TMC1: variants seen among roughly 807,000 people sequenced by gnomAD.
The protein encoded by TMC1 is transmembrane channel-like protein 1.
Under a neutral mutation model 105.8 loss-of-function variants are expected in TMC1, and 84 were observed. That is an observed-to-expected ratio of 0.79 (90% CI 0.67 to 0.95). TMC1 has a LOEUF of 0.95. Ranked by LOEUF, TMC1 falls within the 40% of genes least tolerant of loss-of-function variation. The pLI is 0.00. For synonymous variants in TMC1, 315 were observed against 311.5 expected, an observed-to-expected ratio of 1.01 and a Z score of -0.12; for missense variants, 817 against 914.1, an observed-to-expected ratio of 0.89 and a Z score of 1.37.
chr9:72,761,121 CAG>C (rs753048684), intron 12 of TMC1, among the ~76,000 whole-genome samples: 3 of 152,034 alleles, frequency 2.0e-5, no homozygotes, highest in Non-Finnish European at 2.9e-5. Context: ...TAGTAAGAAA[CAG>C]AGAGATTATT....
chr9:72,745,921 G>C (rs963326748), intron 10 of TMC1, among the ~76,000 whole-genome samples: 24 of 152,182 alleles, frequency 1.6e-4, no homozygotes, highest in African/African-American at 5.8e-4. Context: ...ATCATTTCCA[G>C]CTCAACATTC....
chr9:72,694,674 G>A lies in TMC1; in HGVS notation c.196G>A (p.Ala66Thr), dbSNP rs551184500. The change falls in exon 7 of 24, where the codon GCA becomes ACA. Residue 66 changes from alanine to threonine, a missense_variant. Coordinates refer to ENST00000297784, the MANE Select transcript of TMC1 (RefSeq NM_138691.3). The stretch of plus-strand genomic sequence containing the variant: ...ACCAGAGGATGAAGAAACAAGGAAG[G>A]CAAGAGAAAAAGAGAGGAGGAGGAG... ...PEPEDEETRK[A>T]REKERRRRLK... The A allele has an allele frequency of 1.4e-5, 22 of 1,612,004 alleles. No individual in the cohort carries two copies. In the East Asian group the frequency reaches 2.5e-4, roughly 18 times the overall value.
At chr9:72,561,752 A>G (rs181508983) in intron 1 of TMC1, among the ~76,000 whole-genome samples, 43 of 152,306 alleles carry the variant, frequency 2.8e-4, no homozygotes, top group Admixed American at 2.6e-3. Flanking sequence ...TTCTATTTCT[A>G]TTCCACAATT....
intron 5 of TMC1, among the ~76,000 whole-genome samples, chr9:72,650,494 C>T (rs1039249284): frequency 3.4e-5 from 5 of 148,194 alleles, no homozygotes; most frequent in African/African-American, 7.4e-5. Context: ...CAGAACAAGC[C>T]TTTTTTTTTA....
chr9:72,622,150 C>T (rs1005258572), intron 3 of TMC1, among the ~76,000 whole-genome samples: 3 of 152,104 alleles, frequency 2.0e-5, no homozygotes, highest in African/African-American at 7.2e-5. Flanking sequence ...ACCTACAGGC[C>T]ATCTTTCCCT....
At chr9:72,529,979 A>G (rs764441733) in intron 1 of TMC1, among the ~76,000 whole-genome samples, 5 of 152,172 alleles carry the variant, frequency 3.3e-5, no homozygotes, top group Non-Finnish European at 7.3e-5. Flanking sequence ...AGTGAAGGTC[A>G]GAGAGGCCCA....
chr9:72,603,176 C>T (rs1824847769), intron 2 of TMC1, among the ~76,000 whole-genome samples: 1 of 152,122 alleles, frequency 6.6e-6, no homozygotes, highest in African/African-American at 2.4e-5. Flanking sequence ...GTGCTTTGGC[C>T]TCTGAGCATC....
At chr9:72,745,805 C>T (rs1430215976) in intron 10 of TMC1, among the ~76,000 whole-genome samples, 1 of 152,130 alleles carries the variant, frequency 6.6e-6, no homozygotes, top group Non-Finnish European at 1.5e-5. Context: ...TTGACCCCTA[C>T]CACCTCTGTA....
At chr9:72,609,060 CCCT>C (rs1424739568) in intron 2 of TMC1, among the ~76,000 whole-genome samples, 3 of 152,078 alleles carry the variant, frequency 2.0e-5, no homozygotes, top group Non-Finnish European at 2.9e-5. Context: ...TCCCTTACTC[CCCT>C]CCTCTTTTCT....
At position 72,523,778 on chromosome 9, in the gene TMC1, C is replaced by G. The variant is rs560137643; in HGVS notation, c.-428+1865C>G. ...TTCATATGAGTGGACCCATGCAGTTCAAACCTGACTTGTTCAGAGTCAACT... is the reference window on the plus strand; with the variant it reads ...TTCATATGAGTGGACCCATGCAGTTGAAACCTGACTTGTTCAGAGTCAACT... On this transcript the variant is annotated intron_variant, in intron 1 of 23. Coordinates refer to ENST00000297784, the MANE Select transcript of TMC1 (RefSeq NM_138691.3). 2.0e-5 allele frequency among the ~76,000 whole-genome samples: 3 copies of G among 151,964 alleles called. No individual in the cohort carries two copies. The South Asian group carries it at 6.2e-4, about 32-fold the overall frequency.
chr9:72,709,446 T>C (rs1826798166), intron 8 of TMC1, among the ~76,000 whole-genome samples: 1 of 152,082 alleles, frequency 6.6e-6, no homozygotes, highest in African/African-American at 2.4e-5. Flanking sequence ...GAATGTCTGA[T>C]AGAATTCAGC....
intron 1 of TMC1, among the ~76,000 whole-genome samples, chr9:72,549,833 C>T (rs13290008): frequency 0.12 from 18,760 of 151,682 alleles, 1,337 homozygotes; most frequent in Non-Finnish European, 0.17. Flanking sequence ...AGGTTGGTCT[C>T]GAACTCCTGA....
intron 8 of TMC1, among the ~76,000 whole-genome samples, chr9:72,732,206 T>C (rs1827222964): frequency 6.6e-6 from 1 of 152,232 alleles, no homozygotes; most frequent in East Asian, 1.9e-4. Flanking sequence ...AATGAGAGTA[T>C]ACAAATTGTT....
At chr9:72,832,991 T>C (rs1344617721) in intron 23 of TMC1, among the ~76,000 whole-genome samples, 1 of 152,180 alleles carries the variant, frequency 6.6e-6, no homozygotes, top group African/African-American at 2.4e-5. Flanking sequence ...GATATTTATC[T>C]CCAAATTACC....
In TMC1 at chr9:72,835,935, T is replaced by TTTTTTTTTTTAACAG; in HGVS notation, c.2261-16_2261-15insTTTTTTTTTTAACAG. 1 of 1,545,882 alleles carries TTTTTTTTTTTAACAG rather than the reference T, an allele frequency of 6.5e-7. No individual in the cohort carries two copies. Among genetic ancestry groups the TTTTTTTTTTTAACAG allele is most frequent in the South Asian group, 1.2e-5 (1 of 85,168 alleles). The stretch of plus-strand genomic sequence containing the variant: ...TCCTTGTTTTTTTTTTTTTTTTTTT[T>TTTTTTTTTTTAACAG]CTGTTTTGTGAACAGCTGCAGCTGC... On this transcript the variant is annotated splice_polypyrimidine_tract_variant and intron_variant, in intron 23 of 23. Transcript: ENST00000297784.
intron 2 of TMC1, among the ~76,000 whole-genome samples, chr9:72,591,804 A>G (rs748157092): frequency 1.3e-5 from 2 of 152,118 alleles, no homozygotes; most frequent in African/African-American, 2.4e-5. Context: ...TCCTGGGCTA[A>G]AGCAAGCCTC....
chr9:72,619,813 A>T (rs1422189797), intron 3 of TMC1, among the ~76,000 whole-genome samples: 1 of 117,644 alleles, frequency 8.5e-6, no homozygotes, highest in Non-Finnish European at 2.1e-5. Flanking sequence ...AACTTATTTA[A>T]TTAATTAATT....
intron 5 of TMC1, chr9:72,655,742 A>T: frequency 1.8e-5 from 1 of 54,702 alleles, no homozygotes; most frequent in South Asian, 3.1e-4. Flanking sequence ...AATCCGTATC[A>T]AAAAAAAAAA....
chr9:72,822,408 A>T (rs1277923359), intron 20 of TMC1, among the ~76,000 whole-genome samples: 1 of 152,136 alleles, frequency 6.6e-6, no homozygotes, highest in African/African-American at 2.4e-5. Context: ...AGTCTGAGTT[A>T]TTGCTTTGCT....
Sources: gnomAD v4.1 joint callset for allele counts (sites outside exome capture counted in the v4.1 genomes callset) on GRCh38, gnomAD v4.1.1 for gene constraint, MANE v1.5 for transcripts, NCBI Gene and HGNC (gene_info 2026-07-23, HGNC 2026-07-21) for gene names.